KCNQ1OT1: variants seen among roughly 807,000 people sequenced by gnomAD.
The protein encoded by KCNQ1OT1 is KCNQ1 opposite strand/antisense transcript 1.
rs1850356189 is a variant in KCNQ1OT1, at chr11:2,679,713, G to A, written n.20282C>T. The A allele has an allele frequency of 2.5e-6, 1 of 398,404 alleles. No individual in the cohort carries two copies. Among genetic ancestry groups the A allele is most frequent in the Non-Finnish European group, 4.4e-6 (1 of 226,050 alleles). 24.7% of individuals were successfully genotyped at this position (398,404 alleles called of 1,614,324 possible). A position where few individuals can be genotyped will look rare whatever the true frequency, so the allele number is the denominator to read the frequency against. ...ATTTTTTTTAAATCAGCCGTTCTCT[G>A]TATTCTTGTCCAGATGCTGTGGACA... On this transcript the variant is annotated non_coding_transcript_exon_variant, in exon 1 of 1. Transcript: ENST00000597346. The surrounding 1 kb of genome is among the most constrained non-coding windows in gnomAD (Gnocchi z 4.8).
At position 2,671,226 on chromosome 11, in the gene KCNQ1OT1, A is replaced by AGTCC; in HGVS notation, n.28765_28768dup. 1 of 398,656 alleles carries AGTCC rather than the reference A, an allele frequency of 2.5e-6. No individual in the cohort carries two copies. Among genetic ancestry groups the AGTCC allele is most frequent in the Non-Finnish European group, 4.4e-6 (1 of 226,078 alleles). 24.7% of individuals were successfully genotyped at this position (398,656 alleles called of 1,614,324 possible). ...AGGTAGAGAGACAGAGGTAGACAGG[A>AGTCC]GTCCAGGTCTGACCTCAAAATCCGA... On this transcript the variant is annotated non_coding_transcript_exon_variant, in exon 1 of 1. Transcript: ENST00000597346. The surrounding 1 kb of genome is among the most constrained non-coding windows in gnomAD (Gnocchi z 4.7).
rs547223427 is a variant in KCNQ1OT1 at position 2,659,253 on chromosome 11, T to C, written n.40742A>G. The C allele has an allele frequency of 3.3e-5, 13 of 398,664 alleles. No homozygotes were observed. In the South Asian group the frequency reaches 1.5e-3, roughly 47 times the overall value. 24.7% of individuals were successfully genotyped at this position (398,664 alleles called of 1,614,324 possible). The stretch of plus-strand genomic sequence containing the variant: ...TAAAAATACCCTGGGGTGAGTCTTT[T>C]GAAGTCAAGTACTTCTCCCCTAACC... On this transcript the variant is annotated non_coding_transcript_exon_variant, in exon 1 of 1. Transcript: ENST00000597346. This position sits in a 1 kb window ranked among gnomAD's most constrained non-coding sequence, Gnocchi z 4.3.
At chr11:2,662,380 C>T (rs1590015493) in exon 1 of KCNQ1OT1, 1 of 533,234 alleles carries the variant, frequency 1.9e-6, no homozygotes, top group Non-Finnish European at 3.3e-6. Flanking sequence ...CTCCCCCAGC[C>T]CCCTCCCCTG....
chr11:2,686,857 A>T, exon 1 of KCNQ1OT1: 1 of 398,666 alleles, frequency 2.5e-6, no homozygotes, highest in Non-Finnish European at 4.4e-6. Flanking sequence ...CTCTGGCCAG[A>T]GGCCCTGGTT....
chr11:2,628,332 A>T, exon 1 of KCNQ1OT1: 1 of 398,516 alleles, frequency 2.5e-6, no homozygotes, highest in Non-Finnish European at 4.4e-6. Flanking sequence ...AGCGATTCTA[A>T]CAGTTATGAG....
chr11:2,693,270 T>A lies in KCNQ1OT1; in HGVS notation n.6725A>T, dbSNP rs1850618110. 7.5e-6 allele frequency: 3 copies of A among 398,546 alleles called. No individual in the cohort carries two copies. The South Asian group carries it at 3.8e-4, about 51-fold the overall frequency. 24.7% of individuals were successfully genotyped at this position (398,546 alleles called of 1,614,324 possible). ...CTGTACAGCTACCAGGCTTAACAAC[T>A]CAGATGCACACCCTCCACAACTGCT... is the stretch of plus-strand genomic sequence containing the variant. On this transcript the variant is annotated non_coding_transcript_exon_variant, in exon 1 of 1. Coordinates refer to ENST00000597346, the Ensembl canonical transcript of KCNQ1OT1.
At chr11:2,629,432 A>G (rs1049978367) in exon 1 of KCNQ1OT1, 2 of 398,254 alleles carry the variant, frequency 5.0e-6, no homozygotes, top group Admixed American at 4.4e-5. Flanking sequence ...TTTTTGCCCC[A>G]TGTTTTCTTC....
Position 2,613,400 on chromosome 11 carries a change from A to G in KCNQ1OT1, n.86595T>C. On this transcript the variant is annotated non_coding_transcript_exon_variant, in exon 1 of 1. Coordinates refer to ENST00000597346, the Ensembl canonical transcript of KCNQ1OT1. This position sits in a 1 kb window ranked among gnomAD's most constrained non-coding sequence, Gnocchi z 4.8. Reference sequence around the variant, plus strand: ...TGTGGGTTGCCTCCAATTATTTGCCACTGAAATCCTTGTTGCTTAACATAG... The same window carrying G: ...TGTGGGTTGCCTCCAATTATTTGCCGCTGAAATCCTTGTTGCTTAACATAG... The G allele has an allele frequency of 2.5e-6, 1 of 398,558 alleles. No individual in the cohort carries two copies. The allele number at this position is 398,558 out of a possible 1,614,324, so 24.7% of individuals were successfully genotyped here.
chr11:2,623,428 C>G lies in KCNQ1OT1; in HGVS notation n.76567G>C. 1 of 398,610 alleles carries G rather than the reference C, an allele frequency of 2.5e-6. No individual in the cohort carries two copies. 24.7% of individuals were successfully genotyped at this position (398,610 alleles called of 1,614,324 possible). On this transcript the variant is annotated non_coding_transcript_exon_variant, in exon 1 of 1. Coordinates refer to ENST00000597346, the Ensembl canonical transcript of KCNQ1OT1. The surrounding 1 kb of genome is among the most constrained non-coding windows in gnomAD (Gnocchi z 5.2). ...TACTCTGTGCACTGCCTATTCAACC[C>G]TTCTTCCCCAACAACCCTTGGCAAC...
At chr11:2,686,791 A>C (rs1000818213) in exon 1 of KCNQ1OT1, 1 of 398,566 alleles carries the variant, frequency 2.5e-6, no homozygotes, top group African/African-American at 2.1e-5. Flanking sequence ...TATGATGCAC[A>C]AGCAGCCCCT....
chr11:2,658,753 C>T lies in KCNQ1OT1; in HGVS notation n.41242G>A, dbSNP rs1270110869. 7.5e-6 allele frequency: 3 copies of T among 398,420 alleles called. No individual in the cohort carries two copies. Among genetic ancestry groups the T allele is most frequent in the Non-Finnish European group, 1.3e-5 (3 of 226,062 alleles). 24.7% of individuals were successfully genotyped at this position (398,420 alleles called of 1,614,324 possible). On this transcript the variant is annotated non_coding_transcript_exon_variant, in exon 1 of 1. Transcript: ENST00000597346. This position sits in a 1 kb window ranked among gnomAD's most constrained non-coding sequence, Gnocchi z 4.9. ...CATATCTGTATCTATATAAAGCTAA[C>T]CATGAGTTCATACTGACATTTCTGA...
At position 2,659,833 on chromosome 11, in the gene KCNQ1OT1, AT is replaced by A. The variant is rs1849918692; in HGVS notation, n.40161del. On this transcript the variant is annotated non_coding_transcript_exon_variant, in exon 1 of 1. Transcript: ENST00000597346. The surrounding 1 kb of genome is among the most constrained non-coding windows in gnomAD (Gnocchi z 4.3). ...GATTCTAATTTGCATTTCCATATTT[AT>A]GTTAATTATGTATCTTTTCATGTGC... is the stretch of plus-strand genomic sequence containing the variant. 5.0e-6 allele frequency: 2 copies of A among 398,028 alleles called. No homozygotes were observed. Among genetic ancestry groups the A allele is most frequent in the African/African-American group, 2.1e-5 (1 of 48,476 alleles). 24.7% of individuals were successfully genotyped at this position (398,028 alleles called of 1,614,324 possible). A position where few individuals can be genotyped will look rare whatever the true frequency, so the allele number is the denominator to read the frequency against.
At chr11:2,696,185 G>A (rs1317406065) in exon 1 of KCNQ1OT1, 5 of 398,388 alleles carry the variant, frequency 1.3e-5, no homozygotes, top group Non-Finnish European at 2.2e-5. Flanking sequence ...AGAACCCCAC[G>A]GCCACCCTGG....
chr11:2,627,423 C>T lies in KCNQ1OT1; in HGVS notation n.72572G>A, dbSNP rs908135456. 5 of 398,358 alleles carry T rather than the reference C, an allele frequency of 1.3e-5. No homozygotes were observed. The highest frequency in any genetic ancestry group is 1.8e-5 in the Non-Finnish European group (4 of 226,024). The allele number at this position is 398,358 out of a possible 1,614,324, so 24.7% of individuals were successfully genotyped here. A position where few individuals can be genotyped will look rare whatever the true frequency, so the allele number is the denominator to read the frequency against. The stretch of plus-strand genomic sequence containing the variant: ...TGTCAAGAACTTATTCATCTGATAA[C>T]TCTATGTTTGTACCCTTCAACATTT... On this transcript the variant is annotated non_coding_transcript_exon_variant, in exon 1 of 1. Coordinates refer to ENST00000597346, the Ensembl canonical transcript of KCNQ1OT1. The surrounding 1 kb of genome is among the most constrained non-coding windows in gnomAD (Gnocchi z 4.9).
At position 2,647,772 on chromosome 11, in the gene KCNQ1OT1, G is replaced by A. The variant is rs891848529; in HGVS notation, n.52223C>T. The A allele has an allele frequency of 7.3e-5, 29 of 398,118 alleles. No individual in the cohort carries two copies. The highest frequency in any genetic ancestry group is 6.2e-4 in the Middle Eastern group (1 of 1,608). 24.7% of individuals were successfully genotyped at this position (398,118 alleles called of 1,614,324 possible). ...TCTCTTTCCTCTAGGTTTTCTAATTGTTGACATATAGTTGTTCATAATGGT... is the reference window on the plus strand; with the variant it reads ...TCTCTTTCCTCTAGGTTTTCTAATTATTGACATATAGTTGTTCATAATGGT... On this transcript the variant is annotated non_coding_transcript_exon_variant, in exon 1 of 1. Coordinates refer to ENST00000597346, the Ensembl canonical transcript of KCNQ1OT1. The surrounding 1 kb of genome is among the most constrained non-coding windows in gnomAD (Gnocchi z 4.0).
chr11:2,616,180 A>G, exon 1 of KCNQ1OT1: 1 of 396,014 alleles, frequency 2.5e-6, no homozygotes, highest in Non-Finnish European at 4.4e-6. Flanking sequence ...TTTCTGTAAG[A>G]TCAGTTATAT....
chr11:2,628,588 T>G (rs1408377236), exon 1 of KCNQ1OT1: 5 of 398,366 alleles, frequency 1.3e-5, no homozygotes, highest in African/African-American at 6.2e-5. Context: ...CCGCTACATG[T>G]GCTGCCTTTT....
rs2133873153 is a variant in KCNQ1OT1, at chr11:2,674,967, T to G, written n.25028A>C. On this transcript the variant is annotated non_coding_transcript_exon_variant, in exon 1 of 1. Transcript: ENST00000597346. This position sits in a 1 kb window ranked among gnomAD's most constrained non-coding sequence, Gnocchi z 5.9. The stretch of plus-strand genomic sequence containing the variant: ...TGGGGCTGACTGGAGCTGTTTCTCT[T>G]CGTTTCCTCTTACAGTGGCGGGCAC... The G allele has an allele frequency of 2.5e-6, 1 of 398,472 alleles. No homozygotes were observed. Among genetic ancestry groups the G allele is most frequent in the South Asian group, 1.3e-4 (1 of 7,848 alleles). 24.7% of individuals were successfully genotyped at this position (398,472 alleles called of 1,614,324 possible).
At position 2,653,187 on chromosome 11, in the gene KCNQ1OT1, C is replaced by T; in HGVS notation, n.46808G>A. ...TAGGAAATCCCTTTCCAAGAGTTCC[C>T]TGTGCTGTTGCAGGGCTAGGGCCAG... On this transcript the variant is annotated non_coding_transcript_exon_variant, in exon 1 of 1. Transcript: ENST00000597346. This position sits in a 1 kb window ranked among gnomAD's most constrained non-coding sequence, Gnocchi z 5.3. 2.5e-6 allele frequency: 1 copy of T among 398,736 alleles called. No homozygotes were observed. The highest frequency in any genetic ancestry group is 4.4e-6 in the Non-Finnish European group (1 of 226,122). 24.7% of individuals were successfully genotyped at this position (398,736 alleles called of 1,614,324 possible).
Sources: allele counts gnomAD v4.1 joint callset, GRCh38; gene constraint gnomAD v4.1.1; non-coding constraint Gnocchi (gnomAD v3.1); transcripts MANE v1.5; gene names NCBI Gene and HGNC (gene_info 2026-07-23, HGNC 2026-07-21).